The following PDE11A variants were observed in gnomAD, a reference collection of about 807,000 sequenced individuals.
The protein encoded by PDE11A is phosphodiesterase 11A, also known as dual 3',5'-cyclic-AMP and -GMP phosphodiesterase 11A.
Under a neutral mutation model 100.5 loss-of-function variants are expected in PDE11A, and 100 were observed. The observed-to-expected ratio is 1.00, with a 90% confidence interval of 0.85 to 1.18. PDE11A has a LOEUF of 1.18. PDE11A is among the 50% of genes most tolerant of loss of function. PDE11A has a pLI of 0.00. For synonymous variants in PDE11A, 381 were observed against 420.8 expected (o/e 0.91, Z 1.16); for missense variants, 1,141 against 1,152.6 (o/e 0.99, Z 0.15).
chr2:178,028,923 G>A (rs991665552), intron 1 of PDE11A, among the ~76,000 whole-genome samples: 5 of 152,072 alleles, frequency 3.3e-5, no homozygotes, highest in Non-Finnish European at 7.4e-5. Context: ...TGCATAGTAC[G>A]GAACAACAGA....
chr2:177,946,047 G>A (rs2085420446), intron 2 of PDE11A, among the ~76,000 whole-genome samples: 1 of 136,114 alleles, frequency 7.3e-6, no homozygotes. Flanking sequence ...GTCCGGGAGG[G>A]AGGTGGGGGG....
At chr2:177,790,771 A>C (rs1258085413) in intron 9 of PDE11A, among the ~76,000 whole-genome samples, 2 of 152,266 alleles carry the variant, frequency 1.3e-5, no homozygotes, top group African/African-American at 2.4e-5. Context: ...ATGCAGCCAA[A>C]AGACGCATGA....
intron 7 of PDE11A, among the ~76,000 whole-genome samples, 189 bp from the exon 8 acceptor site, chr2:177,818,114 G>A (rs762565169): frequency 2.6e-5 from 4 of 151,916 alleles, no homozygotes; most frequent in Non-Finnish European, 4.4e-5. Flanking sequence ...TCTCTTCAAG[G>A]CTGATTTATT....
chr2:177,961,953 A>G (rs2085638838), intron 2 of PDE11A, among the ~76,000 whole-genome samples: 1 of 145,576 alleles, frequency 6.9e-6, no homozygotes, highest in South Asian at 2.3e-4. Flanking sequence ...GCTACTCGGG[A>G]GGCTGAGGCA....
chr2:177,754,914 A>C (rs2082070900), intron 10 of PDE11A, among the ~76,000 whole-genome samples: 1 of 152,230 alleles, frequency 6.6e-6, no homozygotes, highest in African/African-American at 2.4e-5. Context: ...CTATTTTACT[A>C]TGAGTTTCAA....
At chr2:177,910,277 G>T (rs542680484) in intron 2 of PDE11A, among the ~76,000 whole-genome samples, 1 of 152,288 alleles carries the variant, frequency 6.6e-6, no homozygotes, top group East Asian at 1.9e-4. Context: ...AAAGAAATGT[G>T]CAGGAGAAGC....
chr2:177,936,758 T>C (rs1333550338), intron 2 of PDE11A, among the ~76,000 whole-genome samples: 1 of 152,210 alleles, frequency 6.6e-6, no homozygotes, highest in East Asian at 1.9e-4. Context: ...CTGTCTCTAC[T>C]AAAAGTACAA....
In PDE11A at chr2:177,826,002, C is replaced by CA. The variant is rs1185068919; in HGVS notation, c.1501-5708dup. On this transcript the variant is annotated intron_variant, in intron 6 of 19. Transcript: ENST00000286063. The stretch of plus-strand genomic sequence containing the variant: ...TGCTAATATTGAAAGGAACAACTGC[C>CA]AAAAAAATCTGCTTTATTGTTCCAC... 2.6e-5 allele frequency among the ~76,000 whole-genome samples: 4 copies of CA among 152,048 alleles called. No individual in the cohort carries two copies. In the East Asian group the frequency reaches 7.7e-4, roughly 29 times the overall value.
At position 178,014,337 on chromosome 2, in the gene PDE11A, G is replaced by C. The variant is rs370184249; in HGVS notation, c.1036C>G (p.Pro346Ala). The C allele has an allele frequency of 3.7e-6, 6 of 1,612,932 alleles. No individual in the cohort carries two copies. The African/African-American group carries it at 6.7e-5, about 18-fold the overall frequency. The change falls in exon 2 of 20, where the codon CCT (proline) becomes GCT (alanine). Residue 346 changes from proline to alanine, a missense_variant. By Grantham distance (27) the Pro-to-Ala change is conservative. Coordinates refer to ENST00000286063, the MANE Select transcript of PDE11A (RefSeq NM_016953.4). ...IGVAQAINKI[P>A]EGAPFTEDDE... The stretch of plus-strand genomic sequence containing the variant: ...TCTTCAGTAAATGGAGCTCCTTCAG[G>C]AATCTTATTTATCGCTTGGGCCACA...
intron 7 of PDE11A, among the ~76,000 whole-genome samples, chr2:177,818,384 T>A (rs776419575): frequency 3.3e-5 from 5 of 151,682 alleles, no homozygotes; most frequent in Admixed American, 6.6e-5. Context: ...ATTAAGAACA[T>A]AAGCTTTGGA....
rs1173068300 is a variant in PDE11A at position 177,660,031 on chromosome 2, T to TTTTC, written c.2646+3831_2646+3834dup. On this transcript the variant is annotated intron_variant, in intron 19 of 19. Coordinates refer to ENST00000286063, the MANE Select transcript of PDE11A (RefSeq NM_016953.4). The stretch of plus-strand genomic sequence containing the variant: ...TCACGACTTCATCCTGTTACAATCA[T>TTTTC]TTTCTTTCTTTCTTTCTTTCTTTCT... 8.5e-3 allele frequency among the ~76,000 whole-genome samples: 1,070 copies of TTTTC among 125,370 alleles called. 12 individuals carry two copies. Among genetic ancestry groups the TTTTC allele is most frequent in the African/African-American group, 0.017 (589 of 33,900 alleles). The allele number at this position is 125,370 out of a possible 152,430, so 82.2% of individuals were successfully genotyped here.
intron 18 of PDE11A, among the ~76,000 whole-genome samples, chr2:177,665,445 A>G (rs538478339): frequency 3.3e-5 from 5 of 151,508 alleles, no homozygotes; most frequent in Admixed American, 2.6e-4. Flanking sequence ...ATGTCGTTGC[A>G]TTCCAGCCTA....
In PDE11A at chr2:177,909,536, C is replaced by A. The variant is rs542817181; in HGVS notation, c.1072-4349G>T. On this transcript the variant is annotated intron_variant, in intron 2 of 19. Transcript: ENST00000286063. Reference sequence around the variant, plus strand: ...AGAGGATTACTAGCCAGCTCAAATTCCTTCAATATTTTCACAAAAATACAG... The same window carrying A: ...AGAGGATTACTAGCCAGCTCAAATTACTTCAATATTTTCACAAAAATACAG... Among the ~76,000 whole-genome samples the A allele has an allele frequency of 4.6e-5, 7 of 152,282 alleles. No individual in the cohort carries two copies. In the East Asian group the frequency reaches 1.4e-3, roughly 29 times the overall value.
At chr2:177,905,516 G>C (rs2084772752) in intron 2 of PDE11A, among the ~76,000 whole-genome samples, 1 of 152,188 alleles carries the variant, frequency 6.6e-6, no homozygotes, top group African/African-American at 2.4e-5. Flanking sequence ...GGATAAATAA[G>C]TAAATGAACT....
chr2:177,838,050 G>A (rs1156517574), intron 6 of PDE11A, among the ~76,000 whole-genome samples: 1 of 152,088 alleles, frequency 6.6e-6, no homozygotes, highest in Non-Finnish European at 1.5e-5. Context: ...AGGCACACAT[G>A]AGAGGCCCTA....
chr2:177,826,752 G>A (rs2083231804), intron 6 of PDE11A, among the ~76,000 whole-genome samples: 1 of 152,156 alleles, frequency 6.6e-6, no homozygotes, highest in African/African-American at 2.4e-5. Context: ...TTAAGTCTTA[G>A]TAATCCCCCT....
chr2:177,819,863 T>TCC, intron 7 of PDE11A, among the ~76,000 whole-genome samples: 2 of 43,880 alleles, frequency 4.6e-5, no homozygotes, highest in African/African-American at 2.7e-4. Context: ...TCTCTCTTTC[T>TCC]CTCTTTCTCT....
intron 2 of PDE11A, among the ~76,000 whole-genome samples, chr2:177,934,017 C>T (rs1375872890): frequency 1.3e-5 from 2 of 152,150 alleles, no homozygotes; most frequent in Admixed American, 6.5e-5. Context: ...AAACTTCAAA[C>T]TGTAAGAATC....
intron 1 of PDE11A, among the ~76,000 whole-genome samples, chr2:178,062,871 A>G (rs2086990385): frequency 6.6e-6 from 1 of 152,230 alleles, no homozygotes; most frequent in Non-Finnish European, 1.5e-5. Context: ...CCTATGTTTT[A>G]TATAAGGAAT....
Sources: allele counts gnomAD v4.1 joint callset (sites outside exome capture counted in the v4.1 genomes callset), GRCh38; gene constraint gnomAD v4.1.1; transcripts MANE v1.5; gene names NCBI Gene and HGNC (gene_info 2026-07-23, HGNC 2026-07-21).